Variants in TAF1B observed in about 807,000 individuals in gnomAD.
TAF1B encodes TATA box-binding protein-associated factor RNA polymerase I subunit B.
In TAF1B, 61 loss-of-function variants were observed where a neutral mutation model predicts 83.9. The ratio of observed to expected loss-of-function variants is 0.73; its 90% confidence interval spans 0.59 to 0.90. The LOEUF is 0.90. Ranked by LOEUF, TAF1B falls within the 40% of genes least tolerant of loss-of-function variation. TAF1B has a pLI of 0.00. For synonymous variants in TAF1B, 221 were observed against 224.6 expected (o/e 0.98, Z 0.14); for missense variants, 625 against 677.0 (o/e 0.92, Z 0.85).
At chr2:9,903,976 T>G (rs1175846204) in intron 8 of TAF1B, among the ~76,000 whole-genome samples, 1 of 152,122 alleles carries the variant, frequency 6.6e-6, no homozygotes, top group African/African-American at 2.4e-5. Context: ...TTTATGGGGG[T>G]TTTCTCCCTT....
At chr2:9,919,171 A>T (rs1182486872) in intron 13 of TAF1B, 60 bp downstream of exon 13, 2 of 1,411,340 alleles carry the variant, frequency 1.4e-6, no homozygotes, top group African/African-American at 2.9e-5. Context: ...AAAATTAAAT[A>T]TCTGGACTTG....
chr2:9,859,021 A>G (rs575734979), intron 5 of TAF1B, among the ~76,000 whole-genome samples: 145 of 152,326 alleles, frequency 9.5e-4, no homozygotes, highest in Admixed American at 2.5e-3. Flanking sequence ...TTTTCTCCCC[A>G]GAAAATGGGT....
Position 9,845,292 on chromosome 2 carries a change from T to C in TAF1B, c.91T>C (p.Cys31Arg). 1 of 1,613,754 alleles carries C rather than the reference T, an allele frequency of 6.2e-7. No homozygotes were observed. The highest frequency in any genetic ancestry group is 8.5e-7 in the Non-Finnish European group (1 of 1,179,744). ...WGLTDEGKYYCTSCHNVTERY... is the reference protein window; with the variant it reads ...WGLTDEGKYYRTSCHNVTERY... ...TCTTACTGATGAAGGCAAATATTAT[T>C]GCACTTCTTGCCACAATGTTACAGA... is the stretch of plus-strand genomic sequence containing the variant. The change falls in exon 2 of 15, where the codon TGC (cysteine) becomes CGC (arginine). Residue 31 changes from cysteine (C) to arginine (R), a missense_variant. By Grantham distance (180) the Cys-to-Arg change is radical. Transcript: ENST00000263663.
intron 12 of TAF1B, 150 bp downstream of exon 12, chr2:9,913,399 T>C (rs189696766): frequency 1.6e-4 from 85 of 524,328 alleles, no homozygotes; most frequent in Middle Eastern, 2.8e-4. Flanking sequence ...TTAACTTTTC[T>C]CTTTTTTACA....
At chr2:9,883,933 C>T (rs1031771691) in intron 8 of TAF1B, among the ~76,000 whole-genome samples, 18 of 152,210 alleles carry the variant, frequency 1.2e-4, no homozygotes, top group African/African-American at 3.9e-4. Flanking sequence ...CCTTTGTGGC[C>T]GGTGGCATCT....
rs1665535014 is a variant in TAF1B, at chr2:9,911,572, T to TA, written c.1180+16dup. The TA allele has an allele frequency of 4.7e-6, 7 of 1,491,176 alleles. No homozygotes were observed. The highest frequency in any genetic ancestry group is 2.4e-5 in the East Asian group (1 of 42,244). The allele number at this position is 1,491,176 out of a possible 1,614,324, so 92.4% of individuals were successfully genotyped here. ...GAACAAAAAAGGTATTTTAATTTTT[T>TA]ATCATTCAAATTCAAAGTGGTTATA... is the stretch of plus-strand genomic sequence containing the variant. On this transcript the variant is annotated intron_variant, in intron 11 of 14. Coordinates refer to ENST00000263663, the MANE Select transcript of TAF1B (RefSeq NM_005680.3).
At chr2:9,917,608 G>C (rs952654378) in intron 12 of TAF1B, among the ~76,000 whole-genome samples, 10 of 152,180 alleles carry the variant, frequency 6.6e-5, no homozygotes, top group Non-Finnish European at 1.5e-4. Context: ...GTTTAGAGAT[G>C]CTAAATTCAT....
At chr2:9,857,409 GAGAA>G (rs1464394646) in intron 5 of TAF1B, among the ~76,000 whole-genome samples, 1 of 152,190 alleles carries the variant, frequency 6.6e-6, no homozygotes, top group Non-Finnish European at 1.5e-5. Flanking sequence ...TTGGATGTGA[GAGAA>G]AGAGAGGAAT....
chr2:9,923,348 TA>T (rs1321884717), intron 14 of TAF1B, among the ~76,000 whole-genome samples: 2 of 150,856 alleles, frequency 1.3e-5, no homozygotes, highest in African/African-American at 2.4e-5. Flanking sequence ...ATTTGCTGCT[TA>T]AAAAAAAAGT....
rs1185074326 is a variant in TAF1B, at chr2:9,933,815, C to A, written c.1598C>A (p.Ser533Ter). 1.2e-6 allele frequency: 2 copies of A among 1,613,462 alleles called. No individual in the cohort carries two copies. The highest frequency in any genetic ancestry group is 1.3e-5 in the African/African-American group (1 of 75,024). Residue 533 changes from serine (S) to a stop codon, truncating the protein, a stop_gained, in exon 15 of 15, where the codon TCA becomes TAA. Coordinates refer to ENST00000263663, the MANE Select transcript of TAF1B (RefSeq NM_005680.3). LOFTEE classifies it high-confidence loss of function. The stretch of plus-strand genomic sequence containing the variant: ...ACACATGTGACAACCTATGAAGAAT[C>A]AAATTATTCTCTGAGTTATCAGTTT... ...YCTHVTTYEESNYSLSYQFIL... is the reference protein window; with the variant it reads ...YCTHVTTYEE
intron 8 of TAF1B, among the ~76,000 whole-genome samples, chr2:9,903,334 C>G (rs1165787982): frequency 6.6e-6 from 1 of 152,166 alleles, no homozygotes; most frequent in African/African-American, 2.4e-5. Context: ...ATCCGCCCGG[C>G]TCGGCCTCCC....
chr2:9,856,810 A>G (rs1196386106), intron 5 of TAF1B, among the ~76,000 whole-genome samples: 2 of 152,234 alleles, frequency 1.3e-5, no homozygotes, highest in Non-Finnish European at 2.9e-5. Context: ...TATTAAGCTG[A>G]TGTATGAATT....
At chr2:9,929,252 G>A (rs1017733176) in intron 14 of TAF1B, among the ~76,000 whole-genome samples, 6 of 152,046 alleles carry the variant, frequency 3.9e-5, no homozygotes, top group Non-Finnish European at 7.4e-5. Context: ...TCCGCCTCCC[G>A]GGTTCACGCC....
chr2:9,850,080 G>A lies in TAF1B; in HGVS notation c.205+620G>A, dbSNP rs76133595. ...GTTTATGAAATATGTGAAATACACC[G>A]ACATTCTTAGATGCTAACAGTGACT... On this transcript the variant is annotated intron_variant, in intron 3 of 14. Coordinates refer to ENST00000263663, the MANE Select transcript of TAF1B (RefSeq NM_005680.3). 3.9e-3 allele frequency among the ~76,000 whole-genome samples: 597 copies of A among 151,828 alleles called. 3 individuals carry two copies. The highest frequency in any genetic ancestry group is 0.013 in the African/African-American group (556 of 41,356).
chr2:9,908,460 C>T (rs1257886003), intron 9 of TAF1B, among the ~76,000 whole-genome samples: 1 of 152,162 alleles, frequency 6.6e-6, no homozygotes, highest in Non-Finnish European at 1.5e-5. Context: ...GTAGCTTCTA[C>T]AACCCAATAT....
At position 9,915,132 on chromosome 2, in the gene TAF1B, G is replaced by A. The variant is rs1665644444; in HGVS notation, c.1271+1883G>A. ...TAGAAGATGTTGAGAAGAACATGGA[G>A]AAAAATTAAGCCTGTGCAGAAAATC... is the stretch of plus-strand genomic sequence containing the variant. On this transcript the variant is annotated intron_variant, in intron 12 of 14. Transcript: ENST00000263663. Among the ~76,000 whole-genome samples the A allele has an allele frequency of 4.6e-5, 7 of 152,320 alleles. 1 individual carries two copies. In the South Asian group the frequency reaches 1.2e-3, roughly 27 times the overall value.
intron 7 of TAF1B, among the ~76,000 whole-genome samples, chr2:9,876,356 G>A (rs868578400): frequency 6.6e-6 from 1 of 152,276 alleles, no homozygotes; most frequent in South Asian, 2.1e-4. Context: ...ATAAACAGGT[G>A]ATCTTTACAT....
chr2:9,868,248 A>G, intron 5 of TAF1B, 28 bp from the exon 6 acceptor site: 1 of 1,610,870 alleles, frequency 6.2e-7, no homozygotes, highest in South Asian at 1.1e-5. Context: ...GTTACACAAT[A>G]ATTTTATTTA....
chr2:9,888,733 T>C (rs1285974906), intron 8 of TAF1B, among the ~76,000 whole-genome samples: 3 of 150,412 alleles, frequency 2.0e-5, no homozygotes, highest in African/African-American at 7.3e-5. Context: ...TCACTGGATC[T>C]CACCAATTGG....
Sources: gnomAD v4.1 joint callset for allele counts (sites outside exome capture counted in the v4.1 genomes callset) on GRCh38, gnomAD v4.1.1 for gene constraint, MANE v1.5 for transcripts, NCBI Gene and HGNC (gene_info 2026-07-23, HGNC 2026-07-21) for gene names.